LSAMP: variants seen among roughly 807,000 people sequenced by gnomAD.
The protein encoded by LSAMP is limbic system-associated membrane protein.
In LSAMP, 7 loss-of-function variants were observed where a neutral mutation model predicts 38.6. That is an observed-to-expected ratio of 0.18 (90% CI 0.10 to 0.34). The LOEUF is 0.34. Among genes scored for constraint, LSAMP ranks in the 10% least tolerant of loss-of-function variants. LSAMP has a pLI of 1.00. For synonymous variants in LSAMP, 154 were observed against 166.8 expected (o/e 0.92, Z 0.59); for missense variants, 313 against 420.0 (o/e 0.75, Z 2.23).
chr3:116,351,533 T>C (rs1448692148), intron 1 of LSAMP, among the ~76,000 whole-genome samples: 1 of 150,616 alleles, frequency 6.6e-6, no homozygotes, highest in Non-Finnish European at 1.5e-5. Flanking sequence ...GCTCTCACAT[T>C]ACGTGTAATT....
At chr3:116,167,355 C>CATATT (rs1316246586) in intron 1 of LSAMP, among the ~76,000 whole-genome samples, 1 of 152,162 alleles carries the variant, frequency 6.6e-6, no homozygotes, top group Non-Finnish European at 1.5e-5. Flanking sequence ...TGAGTGAAGA[C>CATATT]ATATTTCTTC....
At chr3:115,877,973 C>T (rs1936226863) in intron 3 of LSAMP, among the ~76,000 whole-genome samples, 2 of 152,102 alleles carry the variant, frequency 1.3e-5, no homozygotes, top group African/African-American at 4.8e-5. Context: ...TGACCTACTA[C>T]AGTCAGGATT....
At chr3:115,996,044 T>C (rs1051492180) in intron 3 of LSAMP, among the ~76,000 whole-genome samples, 2 of 152,002 alleles carry the variant, frequency 1.3e-5, no homozygotes, top group African/African-American at 2.4e-5. Context: ...AAATATATAC[T>C]TTAGAATATA....
intron 1 of LSAMP, among the ~76,000 whole-genome samples, chr3:116,395,941 G>A (rs180793296): frequency 1.3e-5 from 2 of 152,102 alleles, no homozygotes; most frequent in Admixed American, 6.5e-5. Context: ...GTGAACTCAA[G>A]GACACATTAA....
At position 116,306,893 on chromosome 3, in the gene LSAMP, G is replaced by T. The variant is rs576046746; in HGVS notation, c.155+137984C>A. Among the ~76,000 whole-genome samples, 5 of 152,098 alleles carry T rather than the reference G, an allele frequency of 3.3e-5. No homozygotes were observed. In the South Asian group the frequency reaches 1.0e-3, roughly 31 times the overall value. ...TTACCAAGTTTCCCAAGAGTCGTCT[G>T]AGGCCCTTTAAATTATAGGGTATAT... On this transcript the variant is annotated intron_variant, in intron 1 of 6. Transcript: ENST00000490035.
At chr3:116,020,130 T>C (rs1341270884) in intron 2 of LSAMP, among the ~76,000 whole-genome samples, 1 of 152,190 alleles carries the variant, frequency 6.6e-6, no homozygotes, top group Non-Finnish European at 1.5e-5. Flanking sequence ...ACTTATAATC[T>C]AGCAACATAA....
At chr3:115,928,936 T>G (rs1937531753) in intron 3 of LSAMP, among the ~76,000 whole-genome samples, 1 of 151,728 alleles carries the variant, frequency 6.6e-6, no homozygotes, top group Admixed American at 6.6e-5. Context: ...TTCTTTTTTC[T>G]ATGTGACTTA....
chr3:115,925,699 C>T (rs994642513), intron 3 of LSAMP, among the ~76,000 whole-genome samples: 3 of 152,158 alleles, frequency 2.0e-5, no homozygotes, highest in African/African-American at 7.2e-5. Context: ...GAGTTATTGG[C>T]TTATTTATTA....
intron 6 of LSAMP, among the ~76,000 whole-genome samples, chr3:115,839,478 C>G (rs551000304): frequency 1.2e-3 from 176 of 152,174 alleles, no homozygotes; most frequent in African/African-American, 4.1e-3. Context: ...ATTCCTGCTA[C>G]AACAGAAGGA....
At chr3:115,832,732 A>G (rs769767680) in intron 6 of LSAMP, among the ~76,000 whole-genome samples, 1 of 152,196 alleles carries the variant, frequency 6.6e-6, no homozygotes, top group Non-Finnish European at 1.5e-5. Flanking sequence ...GCCGAAGACC[A>G]AAGTATTAGT....
intron 3 of LSAMP, among the ~76,000 whole-genome samples, chr3:115,982,949 T>A (rs1019025737): frequency 2.8e-5 from 4 of 142,198 alleles, no homozygotes; most frequent in Non-Finnish European, 3.0e-5. Flanking sequence ...TTTTTTTTTT[T>A]AAATCCAGTC....
chr3:116,048,472 C>T (rs1193575772), intron 2 of LSAMP, among the ~76,000 whole-genome samples: 2 of 152,160 alleles, frequency 1.3e-5, no homozygotes, highest in East Asian at 3.9e-4. Flanking sequence ...CACAAAAGCA[C>T]ATCTCTGTAT....
intron 3 of LSAMP, among the ~76,000 whole-genome samples, chr3:115,982,575 A>G (rs1939393102): frequency 6.6e-6 from 1 of 152,158 alleles, no homozygotes; most frequent in South Asian, 2.1e-4. Flanking sequence ...CCCATTTTCT[A>G]CACTCTGTGA....
intron 3 of LSAMP, among the ~76,000 whole-genome samples, chr3:115,993,834 A>G (rs1032678062): frequency 6.6e-6 from 1 of 152,000 alleles, no homozygotes; most frequent in African/African-American, 2.4e-5. Context: ...TGACAAGTGG[A>G]TGAATCAAAA....
intron 6 of LSAMP, among the ~76,000 whole-genome samples, chr3:115,829,569 T>A (rs1934541950): frequency 6.6e-6 from 1 of 152,196 alleles, no homozygotes; most frequent in African/African-American, 2.4e-5. Context: ...ACATACTTTA[T>A]ACCCTTGACC....
chr3:116,317,425 G>A (rs972622561), intron 1 of LSAMP, among the ~76,000 whole-genome samples: 5 of 150,324 alleles, frequency 3.3e-5, no homozygotes, highest in Admixed American at 6.7e-5. Context: ...GCGCGATCTC[G>A]GCTCACTGCA....
At chr3:116,135,213 A>G (rs1709221479) in intron 1 of LSAMP, among the ~76,000 whole-genome samples, 2 of 152,204 alleles carry the variant, frequency 1.3e-5, no homozygotes, top group Non-Finnish European at 1.5e-5. Flanking sequence ...AATGCTCTTA[A>G]TATTACAAAC....
chr3:116,298,579 A>C lies in LSAMP; in HGVS notation c.155+146298T>G, dbSNP rs556879407. Among the ~76,000 whole-genome samples, 3 of 152,294 alleles carry C rather than the reference A, an allele frequency of 2.0e-5. No individual in the cohort carries two copies. In the East Asian group the frequency reaches 5.8e-4, roughly 29 times the overall value. On this transcript the variant is annotated intron_variant, in intron 1 of 6. Coordinates refer to ENST00000490035, the MANE Select transcript of LSAMP (RefSeq NM_002338.5). ...TTCTGTGGTCTCTTATCAATCTATA[A>C]AGATGTAGTCATTAATCTGTGACAT...
chr3:116,161,905 A>G (rs1285862566), intron 1 of LSAMP, among the ~76,000 whole-genome samples: 3 of 152,144 alleles, frequency 2.0e-5, no homozygotes, highest in East Asian at 1.9e-4. Flanking sequence ...ACACACACAT[A>G]TACACGTAGA....
Sources: gnomAD v4.1 joint callset for allele counts (sites outside exome capture counted in the v4.1 genomes callset) on GRCh38, gnomAD v4.1.1 for gene constraint, MANE v1.5 for transcripts, NCBI Gene and HGNC (gene_info 2026-07-23, HGNC 2026-07-21) for gene names.